SDK1: variants seen among roughly 807,000 people sequenced by gnomAD.
The protein encoded by SDK1 is protein sidekick-1.
SDK1 carries 157 observed loss-of-function variants against 245.5 expected under a neutral mutation model. The ratio of observed to expected loss-of-function variants is 0.64; its 90% CI spans 0.56 to 0.73. SDK1 has a LOEUF of 0.73. Ranked by LOEUF, SDK1 falls within the 30% of genes least tolerant of loss-of-function variation. The pLI is 0.00. For missense variants in SDK1, 3,583 were observed against 3,002.3 expected, an observed-to-expected ratio of 1.19 and a Z score of -4.52; for synonymous variants, 1,647 against 1,278.5, an observed-to-expected ratio of 1.29 and a Z score of -6.15.
At position 4,129,916 on chromosome 7, in the gene SDK1, C is replaced by G; in HGVS notation, c.3948C>G (p.Phe1316Leu). ...CTGTGTCGATACCACAGATCCTGTT[C>G]CGGGCCAAAGACCTGGATCCCGAGC... ...NGLILGYKIL[F>L]RAKDLDPEPR... Residue 1316 changes from phenylalanine to leucine, a missense_variant, in exon 27 of 45, where the codon TTC becomes TTG. Coordinates refer to ENST00000404826, the MANE Select transcript of SDK1 (RefSeq NM_152744.4). 6.2e-7 allele frequency: 1 copy of G among 1,613,642 alleles called. No individual in the cohort carries two copies. Among genetic ancestry groups the G allele is most frequent in the East Asian group, 2.2e-5 (1 of 44,854 alleles).
At chr7:4,135,899 A>C (rs556738163) in intron 28 of SDK1, among the ~76,000 whole-genome samples, 5 of 152,204 alleles carry the variant, frequency 3.3e-5, no homozygotes, top group African/African-American at 1.2e-4. Context: ...TTCCCGTTGC[A>C]TGCAGCAGTG....
intron 5 of SDK1, among the ~76,000 whole-genome samples, chr7:3,943,549 T>C (rs979935422): frequency 6.7e-6 from 1 of 150,186 alleles, no homozygotes; most frequent in Admixed American, 6.6e-5. Context: ...CCCTGCCTCC[T>C]GGTTGTGTTC....
intron 4 of SDK1, among the ~76,000 whole-genome samples, chr7:3,680,020 A>AG (rs397753037): frequency 1.3e-5 from 2 of 151,816 alleles, no homozygotes; most frequent in African/African-American, 2.4e-5. Flanking sequence ...TAGTAAAAAA[A>AG]TCAGAAACCA....
At chr7:3,655,475 A>G (rs866350763) in intron 4 of SDK1, among the ~76,000 whole-genome samples, 35 of 87,776 alleles carry the variant, frequency 4.0e-4, no homozygotes, top group African/African-American at 1.3e-3. Context: ...ATATATATAT[A>G]TATATATATA....
At position 3,311,115 on chromosome 7, in the gene SDK1, T is replaced by G. The variant is rs534081651; in HGVS notation, c.298+9231T>G. On this transcript the variant is annotated intron_variant, in intron 1 of 44. Transcript: ENST00000404826. Reference sequence around the variant, plus strand: ...GAGTGGGGAGTATGGACAGTTGACATAACTGGAGAGGTATTATACTAATAT... The same window carrying G: ...GAGTGGGGAGTATGGACAGTTGACAGAACTGGAGAGGTATTATACTAATAT... 1.4e-4 allele frequency among the ~76,000 whole-genome samples: 21 copies of G among 152,244 alleles called. No individual in the cohort carries two copies. In the East Asian group the frequency reaches 4.0e-3, roughly 29 times the overall value.
chr7:3,699,403 C>T (rs1014188097), intron 4 of SDK1, among the ~76,000 whole-genome samples: 1 of 152,092 alleles, frequency 6.6e-6, no homozygotes, highest in African/African-American at 2.4e-5. Flanking sequence ...GAGGCCATTT[C>T]ATCAAAGCAA....
chr7:3,536,732 G>T (rs1393271502), intron 1 of SDK1, among the ~76,000 whole-genome samples: 1 of 151,652 alleles, frequency 6.6e-6, no homozygotes, highest in African/African-American at 2.4e-5. Flanking sequence ...CCTATGCATT[G>T]AAAAGTGTCT....
chr7:3,697,569 C>T (rs1475582485), intron 4 of SDK1, among the ~76,000 whole-genome samples: 1 of 152,136 alleles, frequency 6.6e-6, no homozygotes, highest in Admixed American at 6.5e-5. Flanking sequence ...GTCTCACTGT[C>T]TTCTTACTGC....
chr7:3,687,479 C>T (rs573128101), intron 4 of SDK1, among the ~76,000 whole-genome samples: 1 of 152,328 alleles, frequency 6.6e-6, no homozygotes, highest in Non-Finnish European at 1.5e-5. Context: ...CCAAATGTCC[C>T]TCAGCTGGTA....
intron 1 of SDK1, among the ~76,000 whole-genome samples, chr7:3,548,108 G>A (rs1384662222): frequency 1.3e-5 from 2 of 152,046 alleles, no homozygotes; most frequent in Non-Finnish European, 2.9e-5. Flanking sequence ...TGTACTATAA[G>A]TTTCCCACAA....
intron 5 of SDK1, among the ~76,000 whole-genome samples, chr7:3,885,130 G>C (rs1781307000): frequency 6.6e-6 from 1 of 152,158 alleles, no homozygotes. Flanking sequence ...GGCTGTTCTG[G>C]TAATTCGGGA....
chr7:3,415,086 A>G (rs577578851), intron 1 of SDK1, among the ~76,000 whole-genome samples: 1 of 152,154 alleles, frequency 6.6e-6, no homozygotes, highest in Non-Finnish European at 1.5e-5. Flanking sequence ...TTATACACAT[A>G]GGAGTGTAAT....
chr7:4,194,288 ATGCACGTATG>A (rs1290986624), intron 35 of SDK1, among the ~76,000 whole-genome samples: 3 of 102,990 alleles, frequency 2.9e-5, no homozygotes, highest in African/African-American at 1.1e-4. Flanking sequence ...AGATATATGT[ATGCACGTATG>A]TGTATACATG....
chr7:3,810,441 C>G (rs1226633680), intron 4 of SDK1, among the ~76,000 whole-genome samples: 2 of 152,116 alleles, frequency 1.3e-5, no homozygotes, highest in Non-Finnish European at 2.9e-5. Flanking sequence ...TGCCGTTCCT[C>G]TGCATATGAC....
At chr7:4,150,957 G>A (rs1490581536) in intron 30 of SDK1, among the ~76,000 whole-genome samples, 15 of 152,218 alleles carry the variant, frequency 9.9e-5, no homozygotes, top group African/African-American at 3.4e-4. Flanking sequence ...GCCACTTGCC[G>A]TTGAGTGATC....
intron 4 of SDK1, among the ~76,000 whole-genome samples, chr7:3,666,011 T>G (rs553333152): frequency 1.2e-4 from 18 of 152,216 alleles, no homozygotes; most frequent in Admixed American, 3.3e-4. Context: ...TCTTTCTTCC[T>G]GCCACCACCT....
intron 20 of SDK1, among the ~76,000 whole-genome samples, 182 bp from the exon 21 acceptor site, chr7:4,076,816 G>C (rs1780711908): frequency 6.6e-6 from 1 of 152,068 alleles, no homozygotes; most frequent in Non-Finnish European, 1.5e-5. Context: ...GATCGCATTG[G>C]GCACACAGAG....
intron 1 of SDK1, among the ~76,000 whole-genome samples, chr7:3,574,293 T>G (rs191578680): frequency 2.0e-5 from 3 of 152,000 alleles, no homozygotes; most frequent in Admixed American, 2.0e-4. Flanking sequence ...ATTTTTTGTA[T>G]TTTTAGTAGA....
At chr7:3,406,044 C>T (rs965144178) in intron 1 of SDK1, among the ~76,000 whole-genome samples, 1 of 152,080 alleles carries the variant, frequency 6.6e-6, no homozygotes, top group African/African-American at 2.4e-5. Flanking sequence ...AACTCCTGAC[C>T]TCAAGTGATC....
Sources: allele counts gnomAD v4.1 joint callset (sites outside exome capture counted in the v4.1 genomes callset), GRCh38; gene constraint gnomAD v4.1.1; transcripts MANE v1.5; gene names NCBI Gene and HGNC (gene_info 2026-07-23, HGNC 2026-07-21).